The following SCAPER variants were observed in gnomAD, a reference collection of about 807,000 sequenced individuals.
SCAPER encodes S-phase cyclin A associated protein in the ER.
In SCAPER, 98 loss-of-function variants were observed where a neutral mutation model predicts 182.2. The observed-to-expected ratio is 0.54, with a 90% CI of 0.46 to 0.64. The LOEUF is 0.64. Among genes scored for constraint, SCAPER ranks in the 30% least tolerant of loss-of-function variants. The pLI is 0.00. For missense variants in SCAPER, 1,432 were observed against 1,690.0 expected (o/e 0.85, Z 2.68); for synonymous variants, 605 against 564.6 (o/e 1.07, Z -1.01).
chr15:76,560,512 AAATT>A lies in SCAPER; in HGVS notation c.2838+13642_2838+13645del, dbSNP rs1470070390. Among the ~76,000 whole-genome samples, 27 of 152,334 alleles carry A rather than the reference AAATT, an allele frequency of 1.8e-4. No homozygotes were observed. In the Middle Eastern group the frequency reaches 0.014, roughly 77 times the overall value. ...CTGATAAGGAAACTGACACCCAGAG[AAATT>A]AATTAACTTGTCCAGGGTCACACAA... On this transcript the variant is annotated intron_variant, in intron 23 of 31. Coordinates refer to ENST00000563290, the MANE Select transcript of SCAPER (RefSeq NM_020843.4).
At chr15:76,356,540 G>A (rs1044968856) in intron 29 of SCAPER, among the ~76,000 whole-genome samples, 27 of 152,082 alleles carry the variant, frequency 1.8e-4, no homozygotes, top group Non-Finnish European at 3.8e-4. Flanking sequence ...AACAAAATAC[G>A]CATAATTAAG....
At chr15:76,613,831 A>G (rs535307609) in intron 22 of SCAPER, among the ~76,000 whole-genome samples, 2 of 152,214 alleles carry the variant, frequency 1.3e-5, no homozygotes, top group Non-Finnish European at 2.9e-5. Context: ...TAGTTCGGCC[A>G]TTGTGGAAGA....
chr15:76,507,737 C>T (rs945496060), intron 23 of SCAPER, among the ~76,000 whole-genome samples: 1 of 152,194 alleles, frequency 6.6e-6, no homozygotes, highest in Non-Finnish European at 1.5e-5. Context: ...ATTGTGAAAG[C>T]TAGACGACTC....
chr15:76,775,122 G>C lies in SCAPER; in HGVS notation c.773-5C>G, dbSNP rs772300208. ...ATCCTTCAGCATCTTTCCGTTCTAT[G>C]CAATTAAAGTAAAAAACAAATCAAG... On this transcript the variant is annotated splice_region_variant and splice_polypyrimidine_tract_variant and intron_variant, in intron 8 of 31. Transcript: ENST00000563290. The C allele has an allele frequency of 6.3e-7, 1 of 1,576,342 alleles. No individual in the cohort carries two copies. Among genetic ancestry groups the C allele is most frequent in the African/African-American group, 1.4e-5 (1 of 73,004 alleles).
At chr15:76,423,782 C>T (rs941544059) in intron 26 of SCAPER, among the ~76,000 whole-genome samples, 1 of 152,224 alleles carries the variant, frequency 6.6e-6, no homozygotes, top group Non-Finnish European at 1.5e-5. Context: ...CCTCTACACA[C>T]TGCTTTAAAT....
intron 2 of SCAPER, among the ~76,000 whole-genome samples, chr15:76,882,721 G>A (rs2073631086): frequency 6.6e-6 from 1 of 152,176 alleles, no homozygotes; most frequent in Non-Finnish European, 1.5e-5. Flanking sequence ...TTGGAGTGCA[G>A]TGGCACGATC....
At chr15:76,858,500 G>A (rs942078493) in intron 3 of SCAPER, among the ~76,000 whole-genome samples, 5 of 151,786 alleles carry the variant, frequency 3.3e-5, no homozygotes, top group Non-Finnish European at 7.4e-5. Context: ...GGGTACATGT[G>A]CAGGTTTGCT....
chr15:76,452,783 G>A (rs566818481), intron 25 of SCAPER, among the ~76,000 whole-genome samples: 1 of 151,852 alleles, frequency 6.6e-6, no homozygotes, highest in African/African-American at 2.4e-5. Flanking sequence ...TAAAATATTT[G>A]TGTGTTTTTG....
At chr15:76,864,202 C>T (rs1729091752) in intron 2 of SCAPER, among the ~76,000 whole-genome samples, 1 of 152,180 alleles carries the variant, frequency 6.6e-6, no homozygotes, top group South Asian at 2.1e-4. Flanking sequence ...TGATTGATTT[C>T]AATCCTAAGC....
intron 25 of SCAPER, among the ~76,000 whole-genome samples, chr15:76,470,069 C>T (rs899907058): frequency 2.6e-5 from 4 of 152,082 alleles, no homozygotes; most frequent in African/African-American, 9.7e-5. Flanking sequence ...GCTATTCCCT[C>T]TCAATGTCAA....
chr15:76,766,840 C>T, intron 11 of SCAPER, 78 bp downstream of exon 11: 1 of 1,198,290 alleles, frequency 8.3e-7, no homozygotes, highest in Non-Finnish European at 1.2e-6. Flanking sequence ...TAGATGGACT[C>T]CAAGTCTTTC....
At chr15:76,627,378 T>G (rs1377121018) in intron 21 of SCAPER, among the ~76,000 whole-genome samples, 1 of 152,126 alleles carries the variant, frequency 6.6e-6, no homozygotes, top group African/African-American at 2.4e-5. Context: ...GGTGCACCTA[T>G]CAATCCATCA....
At chr15:76,383,668 A>T (rs2043112690) in intron 27 of SCAPER, among the ~76,000 whole-genome samples, 1 of 152,244 alleles carries the variant, frequency 6.6e-6, no homozygotes, top group South Asian at 2.1e-4. Flanking sequence ...GACCTAGAGA[A>T]ATAAGGTGAA....
At chr15:76,423,876 T>C (rs1056813270) in intron 26 of SCAPER, among the ~76,000 whole-genome samples, 1 of 152,252 alleles carries the variant, frequency 6.6e-6, no homozygotes, top group African/African-American at 2.4e-5. Flanking sequence ...TTTCGTTATT[T>C]ACCCAGTAGT....
At chr15:76,852,710 T>C (rs1375424773) in intron 4 of SCAPER, among the ~76,000 whole-genome samples, 3 of 152,176 alleles carry the variant, frequency 2.0e-5, no homozygotes, top group African/African-American at 2.4e-5. Flanking sequence ...GGGAAATTCA[T>C]AGCACTAAAC....
At chr15:76,903,792 A>C (rs1363272600) in intron 1 of SCAPER, among the ~76,000 whole-genome samples, 1 of 152,238 alleles carries the variant, frequency 6.6e-6, no homozygotes, top group African/African-American at 2.4e-5. Context: ...ACCATGGGCT[A>C]GGAACAGTTC....
intron 8 of SCAPER, among the ~76,000 whole-genome samples, chr15:76,783,100 T>C (rs2064284345): frequency 6.6e-6 from 1 of 152,144 alleles, no homozygotes; most frequent in African/African-American, 2.4e-5. Context: ...AGAGGTGTTT[T>C]TTTTGAAAAG....
At chr15:76,761,806 C>T (rs3099148) in intron 14 of SCAPER, among the ~76,000 whole-genome samples, 148,706 of 152,262 alleles carry the variant, frequency 0.98, 72,709 homozygotes, top group South Asian at 1. Flanking sequence ...GCACATTTAG[C>T]GTATACTGTT....
At chr15:76,415,502 T>C (rs2045584685) in intron 26 of SCAPER, among the ~76,000 whole-genome samples, 1 of 152,136 alleles carries the variant, frequency 6.6e-6, no homozygotes, top group Non-Finnish European at 1.5e-5. Context: ...GGGAATTTAT[T>C]CACAGAATAG....
Sources: allele counts gnomAD v4.1 joint callset (sites outside exome capture counted in the v4.1 genomes callset), GRCh38; gene constraint gnomAD v4.1.1; transcripts MANE v1.5; gene names NCBI Gene and HGNC (gene_info 2026-07-23, HGNC 2026-07-21).